SIK2: variants seen among roughly 807,000 people sequenced by gnomAD.
The protein encoded by SIK2 is serine/threonine-protein kinase SIK2.
In SIK2, 29 loss-of-function variants were observed where a neutral mutation model predicts 103.2. The observed-to-expected ratio is 0.28, with a 90% CI of 0.21 to 0.38. The LOEUF (loss-of-function observed/expected upper bound fraction) is 0.38, where lower values mean the gene tolerates loss of function less well. SIK2 is among the 10% of genes least tolerant of loss of function. SIK2 has a pLI of 1.00. For missense variants in SIK2, 879 were observed against 1,171.0 expected (o/e 0.75, Z 3.64); for synonymous variants, 412 against 446.1 (o/e 0.92, Z 0.96).
intron 1 of SIK2, among the ~76,000 whole-genome samples, chr11:111,603,537 C>T (rs1941611580): frequency 6.6e-6 from 1 of 152,074 alleles, no homozygotes; most frequent in South Asian, 2.1e-4. Context: ...ATCCTGCACC[C>T]TCTTCATTGC....
chr11:111,687,410 G>A (rs1394396604), intron 3 of SIK2, among the ~76,000 whole-genome samples: 2 of 151,160 alleles, frequency 1.3e-5, no homozygotes, highest in African/African-American at 4.9e-5. Flanking sequence ...AGCTACTCGG[G>A]AGGCTGAGGC....
chr11:111,714,925 A>G (rs1943598433), intron 9 of SIK2, among the ~76,000 whole-genome samples: 1 of 152,222 alleles, frequency 6.6e-6, no homozygotes, highest in Admixed American at 6.5e-5. Flanking sequence ...TAAAGATGTA[A>G]TTCCCTCAAA....
chr11:111,637,515 G>A (rs1384631732), intron 3 of SIK2, among the ~76,000 whole-genome samples: 3 of 147,112 alleles, frequency 2.0e-5, no homozygotes, highest in Admixed American at 1.4e-4. Context: ...GCTGGAGTGC[G>A]GTGGCACAAT....
intron 3 of SIK2, among the ~76,000 whole-genome samples, chr11:111,680,846 G>A (rs554846054): frequency 3.8e-4 from 58 of 152,320 alleles, no homozygotes; most frequent in African/African-American, 1.2e-3. Flanking sequence ...ATCTATAAGT[G>A]CAGACTGAAA....
At chr11:111,681,350 A>G (rs1049358825) in intron 3 of SIK2, among the ~76,000 whole-genome samples, 2 of 152,226 alleles carry the variant, frequency 1.3e-5, no homozygotes, top group Non-Finnish European at 2.9e-5. Flanking sequence ...TGACTGGGGT[A>G]ATGAAAGGCA....
chr11:111,723,617 G>A lies in SIK2; in HGVS notation c.2269G>A (p.Glu757Lys), dbSNP rs1439783498. 6 of 1,613,928 alleles carry A rather than the reference G, an allele frequency of 3.7e-6. No individual in the cohort carries two copies. The highest frequency in any genetic ancestry group is 5.1e-6 in the Non-Finnish European group (6 of 1,179,992). Residue 757 changes from glutamate (E) to lysine (K), a missense_variant, in exon 15 of 15, where the codon GAG (glutamate) becomes AAG (lysine). Physicochemically the swap from Glu to Lys is moderately conservative, Grantham distance 56. This residue lies in a region of SIK2 where 375 missense variants were observed against 416.3 expected (regional missense o/e 0.90). Transcript: ENST00000304987. The part of the protein sequence containing the change: ...PSQQLPLPRQ[E>K]TPPPSQQAPP... ...TCAGCAGCTGCCCCTTCCCCGCCAGGAGACTCCACCGCCTTCTCAGCAGGC... is the reference window on the plus strand; with the variant it reads ...TCAGCAGCTGCCCCTTCCCCGCCAGAAGACTCCACCGCCTTCTCAGCAGGC...
chr11:111,671,550 C>G (rs969914662), intron 3 of SIK2: 3 of 323,146 alleles, frequency 9.3e-6, no homozygotes, highest in Admixed American at 8.0e-5. Flanking sequence ...GGTACATGCT[C>G]TCAGCCTTGG....
intron 3 of SIK2, among the ~76,000 whole-genome samples, chr11:111,682,026 C>T (rs1007457147): frequency 2.0e-4 from 30 of 152,168 alleles, no homozygotes; most frequent in East Asian, 7.7e-4. Context: ...CTGACAATCA[C>T]TGGAGTTTGA....
At chr11:111,650,302 A>T (rs370603007) in intron 3 of SIK2, among the ~76,000 whole-genome samples, 1 of 151,886 alleles carries the variant, frequency 6.6e-6, no homozygotes, top group East Asian at 1.9e-4. Context: ...CTGATTTTTC[A>T]TAGTAAAACA....
chr11:111,687,818 G>T (rs565097349), intron 3 of SIK2, among the ~76,000 whole-genome samples, 183 bp from the exon 4 acceptor site: 43 of 151,880 alleles, frequency 2.8e-4, no homozygotes, highest in Admixed American at 7.2e-4. Flanking sequence ...TGTTAGCCAG[G>T]ATGGTCTCGA....
At chr11:111,613,832 G>A (rs1011609244) in intron 1 of SIK2, among the ~76,000 whole-genome samples, 5 of 152,074 alleles carry the variant, frequency 3.3e-5, no homozygotes, top group East Asian at 1.9e-4. Context: ...TTTAGTAATC[G>A]GATTTCCCCT....
Position 111,701,232 on chromosome 11 carries a change from G to C in SIK2, c.604-220G>C, listed in dbSNP as rs940599777. On this transcript the variant is annotated intron_variant, in intron 5 of 14. Transcript: ENST00000304987. This position sits in a 1 kb window ranked among gnomAD's most constrained non-coding sequence, Gnocchi z 4.2. ...AATATCAGCAGTAATTTAAAGTTAA[G>C]TAGTAATCAAAATTATCAGATTCAA... Among the ~76,000 whole-genome samples, 15 of 152,162 alleles carry C rather than the reference G, an allele frequency of 9.9e-5. No homozygotes were observed. Among genetic ancestry groups the C allele is most frequent in the African/African-American group, 3.6e-4 (15 of 41,428 alleles).
intron 3 of SIK2, among the ~76,000 whole-genome samples, chr11:111,684,914 C>T (rs941520619): frequency 1.3e-5 from 2 of 152,172 alleles, no homozygotes; most frequent in Admixed American, 6.5e-5. Flanking sequence ...ATAAAATGCC[C>T]ACTTACATTT....
chr11:111,666,369 G>A (rs540631537), intron 3 of SIK2, among the ~76,000 whole-genome samples: 1 of 152,240 alleles, frequency 6.6e-6, no homozygotes, highest in East Asian at 1.9e-4. Context: ...AGGGTTGGAA[G>A]AGTGAGTTTG....
In SIK2 at chr11:111,727,703, G is replaced by T. The variant is rs1944020380; in HGVS notation, c.*3574G>T. On this transcript the variant is annotated 3_prime_UTR_variant, in exon 15 of 15. Coordinates refer to ENST00000304987, the MANE Select transcript of SIK2 (RefSeq NM_015191.3). The stretch of plus-strand genomic sequence containing the variant: ...CTCACAGAATTCTGCCCACGGGTTA[G>T]ATGTGGGGAGAAGGATATTCTCAGC... 6.5e-6 allele frequency: 1 copy of T among 152,692 alleles called. No individual in the cohort carries two copies. Among genetic ancestry groups the T allele is most frequent in the African/African-American group, 2.4e-5 (1 of 41,458 alleles). 9.5% of individuals were successfully genotyped at this position (152,692 alleles called of 1,614,324 possible). A position where few individuals can be genotyped will look rare whatever the true frequency, so the allele number is the denominator to read the frequency against.
rs546979043 is a variant in SIK2 at position 111,640,109 on chromosome 11, C to T, written c.316+19707C>T. ...TCAGCCCTTTCCTGTTCCAATACTTCACCATTGGGCATGAAACACTTTGGG... is the reference window on the plus strand; with the variant it reads ...TCAGCCCTTTCCTGTTCCAATACTTTACCATTGGGCATGAAACACTTTGGG... On this transcript the variant is annotated intron_variant, in intron 3 of 14. Coordinates refer to ENST00000304987, the MANE Select transcript of SIK2 (RefSeq NM_015191.3). Among the ~76,000 whole-genome samples the T allele has an allele frequency of 5.9e-4, 90 of 152,310 alleles. No individual in the cohort carries two copies. The Middle Eastern group carries it at 0.014, about 23-fold the overall frequency.
At chr11:111,673,992 T>G (rs1942663649) in intron 3 of SIK2, among the ~76,000 whole-genome samples, 1 of 151,376 alleles carries the variant, frequency 6.6e-6, no homozygotes, top group South Asian at 2.1e-4. Context: ...GAGAATCACT[T>G]GAACCCGCGA....
intron 3 of SIK2, among the ~76,000 whole-genome samples, chr11:111,662,993 G>A (rs185093929): frequency 5.3e-5 from 8 of 152,074 alleles, no homozygotes; most frequent in Non-Finnish European, 1.0e-4. Flanking sequence ...AACACTTTGG[G>A]AGGCTGAGGC....
chr11:111,678,066 C>T (rs1347460476), intron 3 of SIK2, among the ~76,000 whole-genome samples: 2 of 152,180 alleles, frequency 1.3e-5, no homozygotes, highest in Non-Finnish European at 2.9e-5. Flanking sequence ...CATCGTACGC[C>T]TTCCTCCTTC....
Sources: allele counts gnomAD v4.1 joint callset (sites outside exome capture counted in the v4.1 genomes callset), GRCh38; gene constraint gnomAD v4.1.1; regional missense constraint gnomAD v4.1.1; non-coding constraint Gnocchi (gnomAD v3.1); transcripts MANE v1.5; gene names NCBI Gene and HGNC (gene_info 2026-07-23, HGNC 2026-07-21).